CDK11A: variants seen among roughly 807,000 people sequenced by gnomAD.
The protein encoded by CDK11A is cyclin-dependent kinase 11A.
CDK11A carries 55 observed loss-of-function variants against 83.6 expected under a neutral mutation model. That is an observed-to-expected ratio of 0.66 (90% CI 0.53 to 0.82). The LOEUF is 0.82. Ranked by LOEUF, CDK11A falls within the 40% of genes least tolerant of loss-of-function variation. The pLI is 0.00. For synonymous variants in CDK11A, 247 were observed against 302.7 expected (o/e 0.82, Z 1.91); for missense variants, 564 against 810.1 (o/e 0.70, Z 3.69).
chr1:1,720,079 A>T (rs1489552623), intron 3 of CDK11A, among the ~76,000 whole-genome samples: 2 of 150,408 alleles, frequency 1.3e-5, no homozygotes, highest in Non-Finnish European at 3.0e-5. Flanking sequence ...TTATTTATTT[A>T]ATTTAATTTT....
intron 4 of CDK11A, 151 bp downstream of exon 4, chr1:1,719,177 G>C: frequency 1.7e-6 from 1 of 590,592 alleles, no homozygotes; most frequent in Non-Finnish European, 2.7e-6. Context: ...TCTCTCTATA[G>C]CCCTTCTGAA....
At chr1:1,717,604 C>A (rs201487059) in intron 4 of CDK11A, among the ~76,000 whole-genome samples, 1 of 127,960 alleles carries the variant, frequency 7.8e-6, no homozygotes, top group Non-Finnish European at 1.8e-5. Flanking sequence ...GACACACGCA[C>A]GCTTTCAGCT....
chr1:1,704,953 T>C lies in CDK11A; in HGVS notation c.1409A>G (p.Glu470Gly), dbSNP rs1415351323. ...CTGGGCCTTGAGGATGGTGTTGATC[T>C]CCCTCAGGGACGTGATCGGGAAGCC... ...KEGFPITSLR[E>G]INTILKAQHP... is the part of the protein sequence containing the mutation. Residue 470 changes from glutamate (E) to glycine (G), a missense_variant, in exon 13 of 20, where the codon GAG (glutamate) becomes GGG (glycine). Glu to Gly is a moderately conservative substitution (Grantham distance 98, BLOSUM62 -2). Coordinates refer to ENST00000404249, the MANE Select transcript of CDK11A (RefSeq NM_024011.4). 6.3e-7 allele frequency: 1 copy of C among 1,597,928 alleles called. No homozygotes were observed.
intron 5 of CDK11A, among the ~76,000 whole-genome samples, chr1:1,712,650 G>GGA (rs1644523263): frequency 1.5e-5 from 1 of 66,656 alleles, no homozygotes; most frequent in Non-Finnish European, 4.2e-5. Flanking sequence ...CGAGTAGCTG[G>GGA]GATTACAGGC....
At position 1,707,491 on chromosome 1, in the gene CDK11A, T is replaced by C. The variant is rs765094175; in HGVS notation, c.1163A>G (p.Glu388Gly). Reference sequence around the variant, plus strand: ...AGGGGAGTCGGGCACATAGTCGCCCTCTGTCAGGGCGCTGCTCTGCGGCGT... The same window carrying C: ...AGGGGAGTCGGGCACATAGTCGCCCCCTGTCAGGGCGCTGCTCTGCGGCGT... The part of the protein sequence containing the change: ...EGTPQSSALT[E>G]GDYVPDSPAL... The change falls in exon 11 of 20, where the codon GAG becomes GGG. Residue 388 changes from glutamate to glycine, a missense_variant. By Grantham distance (98) the Glu-to-Gly change is moderately conservative (BLOSUM62 -2). Transcript: ENST00000404249. 25 of 1,605,736 alleles carry C rather than the reference T, an allele frequency of 1.6e-5. 1 individual carries two copies.
rs1398319996 is a variant in CDK11A at position 1,706,229 on chromosome 1, C to A, written c.1246-497G>T. Among the ~76,000 whole-genome samples the A allele has an allele frequency of 4.0e-5, 6 of 150,232 alleles. No individual in the cohort carries two copies. The South Asian group carries it at 1.3e-3, about 32-fold the overall frequency. ...CTGGGAGTATAGGTACGCACCACCA[C>A]GCCAGGCTAATTTTTGTATTTTTAG... is the stretch of plus-strand genomic sequence containing the variant. On this transcript the variant is annotated intron_variant, in intron 11 of 19. Coordinates refer to ENST00000404249, the MANE Select transcript of CDK11A (RefSeq NM_024011.4).
intron 2 of CDK11A, chr1:1,722,330 T>C (rs1644936315): frequency 3.4e-6 from 1 of 296,522 alleles, no homozygotes. Flanking sequence ...AAAGGTTTCC[T>C]GAGTACATTA....
intron 18 of CDK11A, 34 bp downstream of exon 18, chr1:1,703,442 G>A (rs540469785): frequency 5.5e-6 from 8 of 1,449,044 alleles, no homozygotes; most frequent in African/African-American, 4.7e-5. Context: ...GCTATGGCTC[G>A]GGACCTCCCG....
At position 1,704,149 on chromosome 1, in the gene CDK11A, G is replaced by T. The variant is rs370149583; in HGVS notation, c.1687-3C>A. 3.5e-5 allele frequency: 57 copies of T among 1,606,604 alleles called. 1 individual carries two copies. The African/African-American group carries it at 6.6e-4, about 19-fold the overall frequency. On this transcript the variant is annotated splice_polypyrimidine_tract_variant and splice_region_variant and intron_variant, in intron 15 of 19. Transcript: ENST00000404249. ...CGCGCCAGCCCAAAATCACCCACCT[G>T]CAACGACAGATGGGCGGCTGTGGGT...
At chr1:1,720,091 T>C (rs1382050199) in intron 3 of CDK11A, among the ~76,000 whole-genome samples, 2 of 150,584 alleles carry the variant, frequency 1.3e-5, no homozygotes, top group African/African-American at 2.4e-5. Flanking sequence ...TTTAATTTTA[T>C]TTATTTATTT....
intron 6 of CDK11A, among the ~76,000 whole-genome samples, chr1:1,710,267 G>C (rs1644454680): frequency 3.1e-4 from 1 of 3,274 alleles, no homozygotes; most frequent in African/African-American, 5.6e-4. Context: ...TACTTCCAGG[G>C]CATGAGCACC....
chr1:1,717,914 C>A (rs1298292102), intron 4 of CDK11A, among the ~76,000 whole-genome samples: 1 of 150,432 alleles, frequency 6.6e-6, no homozygotes. Context: ...CAGTCTGTGA[C>A]ACATGCATGC....
At position 1,707,393 on chromosome 1, in the gene CDK11A, G is replaced by A. The variant is rs538161638; in HGVS notation, c.1245+16C>T. ...GCCAATGCGGACAGCGGCCCGGGGCGAGGGGAGGGCCTGACCTGCAGGGCC... is the reference window on the plus strand; with the variant it reads ...GCCAATGCGGACAGCGGCCCGGGGCAAGGGGAGGGCCTGACCTGCAGGGCC... On this transcript the variant is annotated intron_variant, in intron 11 of 19. Coordinates refer to ENST00000404249, the MANE Select transcript of CDK11A (RefSeq NM_024011.4). 36 of 1,605,582 alleles carry A rather than the reference G, an allele frequency of 2.2e-5. 2 individuals are homozygous for A. Among genetic ancestry groups the A allele is most frequent in the South Asian group, 1.8e-4 (16 of 90,412 alleles).
At chr1:1,706,750 C>A (rs1171124874) in intron 11 of CDK11A, among the ~76,000 whole-genome samples, 1 of 150,970 alleles carries the variant, frequency 6.6e-6, no homozygotes, top group Non-Finnish European at 1.5e-5. Flanking sequence ...GACGCCTACG[C>A]TCAGCAGCAC....
At position 1,715,892 on chromosome 1, in the gene CDK11A, T is replaced by G. The variant is rs138036971; in HGVS notation, c.488+454A>C. Among the ~76,000 whole-genome samples, 98 of 151,002 alleles carry G rather than the reference T, an allele frequency of 6.5e-4. 5 individuals carry two copies. Among genetic ancestry groups the G allele is most frequent in the African/African-American group, 2.2e-3 (92 of 41,106 alleles). On this transcript the variant is annotated intron_variant, in intron 5 of 19. Transcript: ENST00000404249. ...ATGGCCAGGAGTCCTAGGAGTCCAG[T>G]GTCCCGATTTCCAGACTGTTTCAAG...
Position 1,704,340 on chromosome 1 carries a change from C to T in CDK11A, c.1569G>A (p.Glu523=). ...ETMKQPFLPG[E]VKTLMIQLLR... ...GCAGCTGGATCATCAGGGTCTTCACCTCCCCTGGGAGGGAGGGAGGCTCCC... is the reference window on the plus strand; with the variant it reads ...GCAGCTGGATCATCAGGGTCTTCACTTCCCCTGGGAGGGAGGGAGGCTCCC... The change falls in exon 15 of 20, where the codon GAG becomes GAA. Residue 523 remains glutamate, a synonymous_variant. Coordinates refer to ENST00000404249, the MANE Select transcript of CDK11A (RefSeq NM_024011.4). 6.2e-7 allele frequency: 1 copy of T among 1,607,202 alleles called. No homozygotes were observed. Among genetic ancestry groups the T allele is most frequent in the Admixed American group, 1.7e-5 (1 of 59,632 alleles).
In CDK11A at chr1:1,704,571, T is replaced by G. The variant is rs1351726295; in HGVS notation, c.1543A>C (p.Met515Leu). ...EHDLKSLMET[M>L]KQPFLPGEVK... is the part of the protein sequence containing the mutation. ...GTACCTGGCAGGAAGGGCTGTTTCA[T>G]GGTCTCCATCAGGCTCTTGAGGTCG... The change falls in exon 14 of 20, where the codon ATG becomes CTG. Residue 515 changes from methionine to leucine, a missense_variant. This residue lies in a region of CDK11A where 361 missense variants were observed against 402.7 expected (regional missense o/e 0.90). Coordinates refer to ENST00000404249, the MANE Select transcript of CDK11A (RefSeq NM_024011.4). 6.2e-7 allele frequency: 1 copy of G among 1,604,666 alleles called. No individual in the cohort carries two copies. The highest frequency in any genetic ancestry group is 8.5e-7 in the Non-Finnish European group (1 of 1,174,834).
chr1:1,720,587 C>T (rs572797956), intron 3 of CDK11A, among the ~76,000 whole-genome samples: 5 of 149,934 alleles, frequency 3.3e-5, no homozygotes, highest in East Asian at 2.0e-4. Flanking sequence ...TTAGTAGAGA[C>T]GGGGTTTCAC....
rs184878934 is a variant in CDK11A at position 1,714,403 on chromosome 1, A to G, written c.488+1943T>C. 4.2e-5 allele frequency among the ~76,000 whole-genome samples: 2 copies of G among 47,956 alleles called. 1 individual carries two copies. Among genetic ancestry groups the G allele is most frequent in the South Asian group, 1.1e-3 (2 of 1,904 alleles). The allele number at this position is 47,956 out of a possible 152,430, so 31.5% of individuals were successfully genotyped here. On this transcript the variant is annotated intron_variant, in intron 5 of 19. Transcript: ENST00000404249. ...TAAATTCAACATCTGGACACTCAAG[A>G]CAGTTTCTACTGATGATGTTCTTCC...
Sources: allele counts gnomAD v4.1 joint callset (sites outside exome capture counted in the v4.1 genomes callset), GRCh38; gene constraint gnomAD v4.1.1; regional missense constraint gnomAD v4.1.1; transcripts MANE v1.5; gene names NCBI Gene and HGNC (gene_info 2026-07-23, HGNC 2026-07-21).